The following C9 variants were observed in gnomAD, a reference collection of about 807,000 sequenced individuals.
C9 encodes the protein complement C9, also known as complement component C9.
In C9, 63 loss-of-function variants were observed where a neutral mutation model predicts 65.4. The observed-to-expected ratio is 0.96, with a 90% CI of 0.79 to 1.19. The LOEUF (loss-of-function observed/expected upper bound fraction) is 1.19. Among genes scored for constraint, C9 ranks in the 50% most tolerant of loss-of-function variants. The pLI, the probability that C9 is intolerant of heterozygous loss-of-function variation, is 0.00. For synonymous variants in C9, 229 were observed against 227.9 expected (o/e 1.00, Z -0.04); for missense variants, 744 against 670.1 (o/e 1.11, Z -1.22).
chr5:39,359,913 CT>C (rs778566691), intron 1 of C9, among the ~76,000 whole-genome samples: 16 of 152,182 alleles, frequency 1.1e-4, no homozygotes, highest in Non-Finnish European at 2.2e-4. Flanking sequence ...TAACTGTTTG[CT>C]GTATTAAATG....
At chr5:39,327,456 T>C (rs1430046111) in intron 5 of C9, among the ~76,000 whole-genome samples, 8 of 152,092 alleles carry the variant, frequency 5.3e-5, no homozygotes, top group Admixed American at 1.3e-4. Flanking sequence ...AACTTGAAGA[T>C]TGATTGGATA....
chr5:39,309,498 G>A (rs567749988), intron 7 of C9, among the ~76,000 whole-genome samples: 38 of 152,152 alleles, frequency 2.5e-4, no homozygotes, highest in Admixed American at 4.6e-4. Flanking sequence ...TTTCCCATGG[G>A]AAGGGAAGAG....
At chr5:39,355,220 A>G (rs1579882269) in intron 1 of C9, among the ~76,000 whole-genome samples, 1 of 152,234 alleles carries the variant, frequency 6.6e-6, no homozygotes, top group Non-Finnish European at 1.5e-5. Flanking sequence ...AGAATCATGC[A>G]TGGAAGGTAA....
At chr5:39,345,810 A>C (rs1754181575) in intron 1 of C9, among the ~76,000 whole-genome samples, 1 of 152,230 alleles carries the variant, frequency 6.6e-6, no homozygotes, top group African/African-American at 2.4e-5. Flanking sequence ...CAGAAATTAT[A>C]ACAAACTGTC....
At chr5:39,306,176 A>C (rs1281559625) in intron 9 of C9, among the ~76,000 whole-genome samples, 3 of 151,986 alleles carry the variant, frequency 2.0e-5, no homozygotes, top group Non-Finnish European at 4.4e-5. Context: ...AAAAAAAAAA[A>C]AAAAAAAGAC....
intron 1 of C9, among the ~76,000 whole-genome samples, chr5:39,358,323 C>T (rs1754445594): frequency 6.6e-6 from 1 of 152,072 alleles, no homozygotes; most frequent in Non-Finnish European, 1.5e-5. Context: ...GTTTTCCAAG[C>T]TAAGGGAAAA....
intron 1 of C9, among the ~76,000 whole-genome samples, chr5:39,360,672 G>T (rs1051907986): frequency 6.6e-6 from 1 of 152,042 alleles, no homozygotes; most frequent in Non-Finnish European, 1.5e-5. Flanking sequence ...CATATATATG[G>T]CCTTTCAATG....
intron 1 of C9, among the ~76,000 whole-genome samples, chr5:39,344,549 G>A (rs971331920): frequency 6.6e-6 from 1 of 152,176 alleles, no homozygotes; most frequent in Non-Finnish European, 1.5e-5. Context: ...TGTCTGATTG[G>A]TGTACCTGAA....
In C9 at chr5:39,285,004, G is replaced by A. The variant is rs1040158437; in HGVS notation, c.*195C>T. On this transcript the variant is annotated 3_prime_UTR_variant, in exon 11 of 11. Coordinates refer to ENST00000263408, the MANE Select transcript of C9 (RefSeq NM_001737.5). ...GACTTCTCATTAGGGAACAAAAAATGGAAACATCACAGGAGTTTAAGGAAG... is the reference window on the plus strand; with the variant it reads ...GACTTCTCATTAGGGAACAAAAAATAGAAACATCACAGGAGTTTAAGGAAG... 18 of 539,574 alleles carry A rather than the reference G, an allele frequency of 3.3e-5. No individual in the cohort carries two copies. Among genetic ancestry groups the A allele is most frequent in the Middle Eastern group, 5.0e-4 (1 of 2,002 alleles). The allele number at this position is 539,574 out of a possible 1,614,324, so 33.4% of individuals were successfully genotyped here. A position where few individuals can be genotyped will look rare whatever the true frequency, so the allele number is the denominator to read the frequency against.
At chr5:39,310,464 C>A (rs1209137169) in intron 7 of C9, among the ~76,000 whole-genome samples, 3 of 152,034 alleles carry the variant, frequency 2.0e-5, no homozygotes, top group African/African-American at 7.2e-5. Context: ...TTAGACGAAC[C>A]CTTTAGGCCA....
chr5:39,357,299 T>A (rs1419500165), intron 1 of C9, among the ~76,000 whole-genome samples: 1 of 152,226 alleles, frequency 6.6e-6, no homozygotes, highest in Non-Finnish European at 1.5e-5. Flanking sequence ...ACCAATGGAT[T>A]TGGCACAGTT....
intron 5 of C9, among the ~76,000 whole-genome samples, chr5:39,330,875 T>C (rs1235146666): frequency 6.6e-6 from 1 of 152,226 alleles, no homozygotes; most frequent in Admixed American, 6.5e-5. Flanking sequence ...TTTCAGAAAG[T>C]AATGCTTATT....
At chr5:39,360,012 T>G (rs1157778199) in intron 1 of C9, among the ~76,000 whole-genome samples, 1 of 152,194 alleles carries the variant, frequency 6.6e-6, no homozygotes, top group Non-Finnish European at 1.5e-5. Context: ...ATGAAAAACT[T>G]AGGCAAATAT....
intron 1 of C9, among the ~76,000 whole-genome samples, chr5:39,346,971 G>A (rs934840551): frequency 6.6e-6 from 1 of 152,056 alleles, no homozygotes; most frequent in Admixed American, 6.6e-5. Context: ...AAATTCAACA[G>A]CCCTTCATGC....
intron 4 of C9, among the ~76,000 whole-genome samples, chr5:39,333,763 C>A (rs564450229): frequency 9.2e-5 from 14 of 152,138 alleles, no homozygotes; most frequent in African/African-American, 3.1e-4. Context: ...AGGCGCGCAC[C>A]GCCACGCCTG....
chr5:39,329,194 G>A (rs1468649431), intron 5 of C9, among the ~76,000 whole-genome samples: 2 of 152,132 alleles, frequency 1.3e-5, no homozygotes, highest in East Asian at 3.9e-4. Flanking sequence ...TACTTCTACA[G>A]TTGTTCTTGG....
At position 39,347,153 on chromosome 5, in the gene C9, T is replaced by C. The variant is rs537420442; in HGVS notation, c.78-4957A>G. On this transcript the variant is annotated intron_variant, in intron 1 of 10. Transcript: ENST00000263408. ...CTCTCACCACCCCTATTCAACATAG[T>C]GTTGGAAGTTCTGGCCAGGGCAATA... 8.7e-4 allele frequency among the ~76,000 whole-genome samples: 133 copies of C among 152,258 alleles called. 4 individuals are homozygous for C. In the South Asian group the frequency reaches 0.026, roughly 29 times the overall value.
At chr5:39,296,672 T>C (rs1753190736) in intron 9 of C9, among the ~76,000 whole-genome samples, 1 of 151,616 alleles carries the variant, frequency 6.6e-6, no homozygotes, top group Non-Finnish European at 1.5e-5. Flanking sequence ...TTATTCACAG[T>C]AGCCACATGG....
At chr5:39,323,009 A>G (rs1474807173) in intron 5 of C9, among the ~76,000 whole-genome samples, 1 of 152,132 alleles carries the variant, frequency 6.6e-6, no homozygotes, top group East Asian at 1.9e-4. Context: ...CCACAGAAAT[A>G]TAAATAAACA....
Sources: gnomAD v4.1 joint callset for allele counts (sites outside exome capture counted in the v4.1 genomes callset) on GRCh38, gnomAD v4.1.1 for gene constraint, MANE v1.5 for transcripts, NCBI Gene and HGNC (gene_info 2026-07-23, HGNC 2026-07-21) for gene names.